SLCO2A1: variants seen among roughly 807,000 people sequenced by gnomAD.
The protein encoded by SLCO2A1 is solute carrier organic anion transporter family member 2A1.
In SLCO2A1, 60 loss-of-function variants were observed where a neutral mutation model predicts 71.7. That is an observed-to-expected ratio of 0.84 (90% CI 0.68 to 1.04). The LOEUF (loss-of-function observed/expected upper bound fraction) is 1.04, where lower values mean the gene tolerates loss of function less well. Among genes scored for constraint, SLCO2A1 ranks in the 50% least tolerant of loss-of-function variants. SLCO2A1 has a pLI of 0.00. For synonymous variants in SLCO2A1, 308 were observed against 326.7 expected, an observed-to-expected ratio of 0.94 and a Z score of 0.62; for missense variants, 745 against 813.4, an observed-to-expected ratio of 0.92 and a Z score of 1.02.
intron 6 of SLCO2A1, 56 bp downstream of exon 6, chr3:133,951,152 C>A: frequency 6.2e-7 from 1 of 1,608,964 alleles, no homozygotes; most frequent in Non-Finnish European, 8.5e-7. Flanking sequence ...ATTTTCTACC[C>A]CCACATCCCT....
chr3:133,987,840 G>A (rs1168247522), intron 1 of SLCO2A1, among the ~76,000 whole-genome samples: 1 of 152,178 alleles, frequency 6.6e-6, no homozygotes, highest in East Asian at 1.9e-4. Context: ...ACACACAGCC[G>A]GTGACCTCTC....
At chr3:134,009,090 A>G (rs1176618560) in intron 1 of SLCO2A1, among the ~76,000 whole-genome samples, 2 of 152,240 alleles carry the variant, frequency 1.3e-5, no homozygotes, top group East Asian at 3.8e-4. Context: ...TATGCCTGCC[A>G]AAGGAAGCTG....
At chr3:133,951,091 T>C (rs764433231) in intron 6 of SLCO2A1, 117 bp downstream of exon 6, 1 of 1,394,714 alleles carries the variant, frequency 7.2e-7, no homozygotes, top group Non-Finnish European at 1.0e-6. Flanking sequence ...GAAATTTGTT[T>C]AGATTTCACC....
intron 1 of SLCO2A1, among the ~76,000 whole-genome samples, chr3:134,025,121 G>A (rs1000568197): frequency 6.6e-6 from 1 of 152,028 alleles, no homozygotes; most frequent in Non-Finnish European, 1.5e-5. Context: ...AACTCATTGC[G>A]GGACTCATTT....
intron 1 of SLCO2A1, among the ~76,000 whole-genome samples, chr3:133,986,029 T>C (rs1934706073): frequency 6.6e-6 from 1 of 152,254 alleles, no homozygotes; most frequent in Non-Finnish European, 1.5e-5. Flanking sequence ...AGGGACTTTC[T>C]ACCGTGGTGG....
intron 12 of SLCO2A1, among the ~76,000 whole-genome samples, chr3:133,937,068 G>A (rs1323801751): frequency 6.6e-6 from 1 of 152,058 alleles, no homozygotes; most frequent in Admixed American, 6.5e-5. Flanking sequence ...AAATGGAAAA[G>A]CAAAAGCAGC....
At chr3:134,000,325 A>G (rs764655666) in intron 1 of SLCO2A1, among the ~76,000 whole-genome samples, 7 of 152,134 alleles carry the variant, frequency 4.6e-5, no homozygotes, top group African/African-American at 1.2e-4. Context: ...CCTCTCTTCA[A>G]TTCCACAGAG....
At chr3:133,967,378 G>C (rs1003177941) in intron 3 of SLCO2A1, among the ~76,000 whole-genome samples, 1 of 152,200 alleles carries the variant, frequency 6.6e-6, no homozygotes, top group African/African-American at 2.4e-5. Context: ...GGCCCTCAGA[G>C]AGGCTGTCAC....
rs759122181 is a variant in SLCO2A1 at position 133,932,850 on chromosome 3, G to C, written c.*1863C>G. 6.6e-6 allele frequency: 1 copy of C among 152,540 alleles called. No homozygotes were observed. Among genetic ancestry groups the C allele is most frequent in the South Asian group, 2.1e-4 (1 of 4,820 alleles). 9.4% of individuals were successfully genotyped at this position (152,540 alleles called of 1,614,324 possible). A position where few individuals can be genotyped will look rare whatever the true frequency, so the allele number is the denominator to read the frequency against. On this transcript the variant is annotated 3_prime_UTR_variant, in exon 14 of 14. Transcript: ENST00000310926. ...TCCAAATGTGGTTAAATTGCCATGG[G>C]AAAGACCAGGGTTAGTTGCAGGGCA... is the stretch of plus-strand genomic sequence containing the variant.
intron 3 of SLCO2A1, among the ~76,000 whole-genome samples, chr3:133,958,880 T>C (rs573796461): frequency 6.6e-6 from 1 of 152,318 alleles, no homozygotes; most frequent in Non-Finnish European, 1.5e-5. Context: ...CATTCACAAG[T>C]GTGCTTGGCT....
intron 1 of SLCO2A1, among the ~76,000 whole-genome samples, chr3:134,005,840 G>A (rs1935204601): frequency 6.6e-6 from 1 of 151,970 alleles, no homozygotes; most frequent in South Asian, 2.1e-4. Flanking sequence ...TTTATATTGT[G>A]TTCCTATTTA....
chr3:133,959,029 A>G (rs28674769), intron 3 of SLCO2A1, among the ~76,000 whole-genome samples: 21,108 of 152,180 alleles, frequency 0.14, 4,859 homozygotes, highest in African/African-American at 0.48. Context: ...GCAAAGAATC[A>G]GCCTCTGTTC....
At chr3:133,950,023 TG>T (rs1933698693) in intron 6 of SLCO2A1, among the ~76,000 whole-genome samples, 1 of 152,046 alleles carries the variant, frequency 6.6e-6, no homozygotes, top group Non-Finnish European at 1.5e-5. Flanking sequence ...TTTTTAGAGA[TG>T]GGGTCTCGCT....
chr3:133,949,043 T>G (rs553040121), intron 6 of SLCO2A1, 72 bp from the exon 7 acceptor site: 2 of 1,337,148 alleles, frequency 1.5e-6, no homozygotes, highest in Non-Finnish European at 2.1e-6. Flanking sequence ...AGCCCTTGAG[T>G]CTCTGGCCTC....
intron 1 of SLCO2A1, among the ~76,000 whole-genome samples, chr3:134,016,082 T>C (rs1330059364): frequency 1.3e-5 from 2 of 152,224 alleles, no homozygotes; most frequent in African/African-American, 4.8e-5. Flanking sequence ...AGAAAACTTT[T>C]AGAATGAAAT....
intron 1 of SLCO2A1, among the ~76,000 whole-genome samples, chr3:133,982,601 C>T (rs747112700): frequency 6.6e-6 from 1 of 152,170 alleles, no homozygotes; most frequent in African/African-American, 2.4e-5. Flanking sequence ...AATAATCCTT[C>T]TTGATGTCCC....
chr3:133,943,840 G>T (rs949638367), intron 10 of SLCO2A1, among the ~76,000 whole-genome samples: 4 of 152,228 alleles, frequency 2.6e-5, no homozygotes, highest in Non-Finnish European at 5.9e-5. Flanking sequence ...AGGTGGCAGT[G>T]GCAGCAGCCT....
At chr3:134,006,469 C>T (rs1935218242) in intron 1 of SLCO2A1, among the ~76,000 whole-genome samples, 1 of 152,188 alleles carries the variant, frequency 6.6e-6, no homozygotes, top group Admixed American at 6.5e-5. Flanking sequence ...TGAACAATAA[C>T]TCCCCATTTC....
Position 133,942,661 on chromosome 3 carries a change from G to A in SLCO2A1, c.1569C>T (p.Ser523=). Residue 523 remains serine (S), a synonymous_variant, in exon 11 of 14, where the codon TCC becomes TCT. Coordinates refer to ENST00000310926, the MANE Select transcript of SLCO2A1 (RefSeq NM_005630.3). ...AGATGCAGGCTATCAGGGACACGAA[G>A]GAGATGAGGAAGATGGCCGGGAGCA... is the stretch of plus-strand genomic sequence containing the variant. ...HFLLPAIFLI[S]FVSLIACISH... 1.2e-6 allele frequency: 2 copies of A among 1,613,956 alleles called. No homozygotes were observed. The highest frequency in any genetic ancestry group is 1.7e-6 in the Non-Finnish European group (2 of 1,179,946).
Sources: gnomAD v4.1 joint callset for allele counts (sites outside exome capture counted in the v4.1 genomes callset) on GRCh38, gnomAD v4.1.1 for gene constraint, MANE v1.5 for transcripts, NCBI Gene and HGNC (gene_info 2026-07-23, HGNC 2026-07-21) for gene names.